The following PIP5K1C variants were observed in gnomAD, a reference collection of about 807,000 sequenced individuals.
PIP5K1C encodes phosphatidylinositol-4-phosphate 5-kinase type 1 gamma.
Under a neutral mutation model 80.1 loss-of-function variants are expected in PIP5K1C, and 45 were observed. The observed-to-expected ratio is 0.56, with a 90% CI of 0.44 to 0.72. The LOEUF is 0.72. Among genes scored for constraint, PIP5K1C ranks in the 30% least tolerant of loss-of-function variants. The probability of loss-of-function intolerance (pLI) is 0.00; values close to 1 mark genes in which losing one functional copy is unlikely to be tolerated. For synonymous variants in PIP5K1C, 498 were observed against 420.1 expected (o/e 1.19, Z -2.27); for missense variants, 753 against 954.6 (o/e 0.79, Z 2.78).
chr19:3,661,243 C>T (rs544425884), intron 4 of PIP5K1C, among the ~76,000 whole-genome samples, 160 bp from the exon 5 acceptor site: 5 of 152,314 alleles, frequency 3.3e-5, no homozygotes, highest in East Asian at 1.9e-4. Flanking sequence ...AGGGGGCTCC[C>T]GATGGGACTG....
chr19:3,677,958 TGGATGGA>T (rs907948410), intron 1 of PIP5K1C, among the ~76,000 whole-genome samples: 2 of 56,430 alleles, frequency 3.5e-5, no homozygotes, highest in Non-Finnish European at 3.6e-5. Flanking sequence ...GAGGGATGGA[TGGATGGA>T]GGATGGAGGA....
In PIP5K1C at chr19:3,651,816, G is replaced by A. The variant is rs908852587; in HGVS notation, c.1127+10C>T. The A allele has an allele frequency of 5.6e-6, 9 of 1,608,996 alleles. No homozygotes were observed. Among genetic ancestry groups the A allele is most frequent in the Non-Finnish European group, 7.6e-6 (9 of 1,178,300 alleles). The stretch of plus-strand genomic sequence containing the variant: ...AGCGGGACGGGTCCGGCGGCCCCCC[G>A]CCCACCTACGTGTCATCCGATTCGA... On this transcript the variant is annotated intron_variant, in intron 8 of 17. Coordinates refer to ENST00000335312, the MANE Select transcript of PIP5K1C (RefSeq NM_012398.3).
At chr19:3,673,223 GT>G (rs1409806146) in intron 1 of PIP5K1C, among the ~76,000 whole-genome samples, 1 of 152,088 alleles carries the variant, frequency 6.6e-6, no homozygotes, top group Non-Finnish European at 1.5e-5. Flanking sequence ...TGCACGAGCG[GT>G]GCCTCTGCCT....
At chr19:3,670,147 G>C (rs2035158434) in intron 1 of PIP5K1C, among the ~76,000 whole-genome samples, 1 of 152,134 alleles carries the variant, frequency 6.6e-6, no homozygotes, top group Non-Finnish European at 1.5e-5. Context: ...CGGCAGGTGG[G>C]GAGGGGGCCG....
chr19:3,699,377 C>T (rs1025400549), intron 1 of PIP5K1C, among the ~76,000 whole-genome samples: 6 of 148,632 alleles, frequency 4.0e-5, no homozygotes, highest in Non-Finnish European at 8.9e-5. Flanking sequence ...TCTCTCTCTC[C>T]AGACATCTCC....
At chr19:3,660,871 G>A in intron 5 of PIP5K1C, 95 bp downstream of exon 5, 1 of 941,502 alleles carries the variant, frequency 1.1e-6, no homozygotes, top group Non-Finnish European at 1.7e-6. Context: ...AGGAACCCAG[G>A]GAGGCTGCCC....
Position 3,641,758 on chromosome 19 carries a change from C to G in PIP5K1C, c.1734G>C (p.Gln578His). The G allele has an allele frequency of 9.3e-6, 15 of 1,612,000 alleles. No homozygotes were observed. Among genetic ancestry groups the G allele is most frequent in the Non-Finnish European group, 1.3e-5 (15 of 1,180,014 alleles). The change falls in exon 15 of 18, where the codon CAG becomes CAC. Residue 578 changes from glutamine to histidine, a missense_variant. By Grantham distance (24) the Gln-to-His change is conservative. Coordinates refer to ENST00000335312, the MANE Select transcript of PIP5K1C (RefSeq NM_012398.3). The part of the protein sequence containing the change: ...AEEDLQQITV[Q>H]VEPACSVEIV... ...TCTCCACGCTGCACGCAGGCTCCAC[C>G]TGCACTGTAATCTGCTGCAGATCCT...
intron 11 of PIP5K1C, among the ~76,000 whole-genome samples, 165 bp downstream of exon 11, chr19:3,645,809 G>C (rs559277538): frequency 6.6e-6 from 1 of 152,134 alleles, no homozygotes; most frequent in Non-Finnish European, 1.5e-5. Flanking sequence ...CAAATATCCC[G>C]ACTACCCTAC....
intron 1 of PIP5K1C, among the ~76,000 whole-genome samples, chr19:3,678,051 GAAT>G: frequency 7.5e-6 from 1 of 132,612 alleles, no homozygotes; most frequent in Non-Finnish European, 1.6e-5. Flanking sequence ...GAGGGATGGA[GAAT>G]GGAGGGATGG....
intron 4 of PIP5K1C, among the ~76,000 whole-genome samples, chr19:3,661,334 A>C (rs1207752693): frequency 1.3e-5 from 2 of 152,184 alleles, no homozygotes; most frequent in African/African-American, 4.8e-5. Context: ...CAAGAACAGG[A>C]CCATGCCGCC....
intron 3 of PIP5K1C, among the ~76,000 whole-genome samples, chr19:3,662,226 G>A (rs1241451743): frequency 3.3e-5 from 5 of 152,222 alleles, no homozygotes; most frequent in African/African-American, 1.2e-4. Flanking sequence ...GCCAGGACAG[G>A]GCTCGGCTGC....
rs188107341 is a variant in PIP5K1C at position 3,669,519 on chromosome 19, G to A, written c.95-2166C>T. ...AGAGGGGACAGAGGAGAATTTCCCC[G>A]AGAGACAAAAAGTCTTTCTGGACCA... is the stretch of plus-strand genomic sequence containing the variant. On this transcript the variant is annotated intron_variant, in intron 1 of 17. Transcript: ENST00000335312. Among the ~76,000 whole-genome samples, 44 of 152,322 alleles carry A rather than the reference G, an allele frequency of 2.9e-4. No homozygotes were observed. The East Asian group carries it at 4.4e-3, about 15-fold the overall frequency.
chr19:3,678,533 TGGAG>T (rs1293120772), intron 1 of PIP5K1C, among the ~76,000 whole-genome samples: 1 of 27,680 alleles, frequency 3.6e-5, no homozygotes, highest in Non-Finnish European at 6.8e-5. Flanking sequence ...GAGGGATGGA[TGGAG>T]GGAGGGATGG....
In PIP5K1C at chr19:3,637,680, C is replaced by G; in HGVS notation, c.1920+1204G>C. The G allele has an allele frequency of 6.6e-7, 1 of 1,507,336 alleles. No homozygotes were observed. The highest frequency in any genetic ancestry group is 8.8e-7 in the Non-Finnish European group (1 of 1,131,576). The allele number at this position is 1,507,336 out of a possible 1,614,324, so 93.4% of individuals were successfully genotyped here. On this transcript the variant is annotated intron_variant, in intron 16 of 17. Transcript: ENST00000335312. The surrounding 1 kb of genome is among the most constrained non-coding windows in gnomAD (Gnocchi z 7.0). ...CAGAGGACAGCGGATGAGGCGGCCA[C>G]CCCCGTGGTCGGGTGGGAGAGGCGG...
At position 3,697,442 on chromosome 19, in the gene PIP5K1C, GGAGGAGGACCGAGCTGGACC is replaced by G. The variant is rs1568367021; in HGVS notation, c.94+2835_94+2854del. On this transcript the variant is annotated intron_variant, in intron 1 of 17. Transcript: ENST00000335312. ...CAGACGGAGGAGGACCGAGCTGTAC[GGAGGAGGACCGAGCTGGACC>G]GAGGAGGACCGAGCTGGACCGGGGA... Among the ~76,000 whole-genome samples the G allele has an allele frequency of 1.4e-4, 20 of 145,548 alleles. No individual in the cohort carries two copies. The South Asian group carries it at 1.6e-3, about 11-fold the overall frequency.
chr19:3,678,213 A>T (rs1271596618), intron 1 of PIP5K1C, among the ~76,000 whole-genome samples: 4 of 106,680 alleles, frequency 3.7e-5, no homozygotes, highest in Non-Finnish European at 5.7e-5. Context: ...GGATGGAGAG[A>T]TGGAGGGACG....
In PIP5K1C at chr19:3,651,510, CCT is replaced by C. The variant is rs1185516208; in HGVS notation, c.1127+314_1127+315del. ...TCTCTGCACGGGTGGCGTGTAGACC[CCT>C]CTGAGTGCCACCGGGAAACGCTATC... is the stretch of plus-strand genomic sequence containing the variant. On this transcript the variant is annotated intron_variant, in intron 8 of 17. Transcript: ENST00000335312. Among the ~76,000 whole-genome samples the C allele has an allele frequency of 2.6e-5, 4 of 152,332 alleles. No individual in the cohort carries two copies. The East Asian group carries it at 7.7e-4, about 29-fold the overall frequency.
At chr19:3,638,760 G>A in intron 16 of PIP5K1C, 124 bp downstream of exon 16, 1 of 1,246,660 alleles carries the variant, frequency 8.0e-7, no homozygotes, top group Non-Finnish European at 1.2e-6. Flanking sequence ...GCATGTGGGT[G>A]GGTCGACAGG....
At chr19:3,652,648 G>A (rs1476998749) in intron 7 of PIP5K1C, among the ~76,000 whole-genome samples, 1 of 152,234 alleles carries the variant, frequency 6.6e-6, no homozygotes, top group Non-Finnish European at 1.5e-5. Context: ...CAGAGGAAGA[G>A]CCGTGCATAT....
Sources: allele counts gnomAD v4.1 joint callset (sites outside exome capture counted in the v4.1 genomes callset), GRCh38; gene constraint gnomAD v4.1.1; non-coding constraint Gnocchi (gnomAD v3.1); transcripts MANE v1.5; gene names NCBI Gene and HGNC (gene_info 2026-07-23, HGNC 2026-07-21).